MARK3: variants seen among roughly 807,000 people sequenced by gnomAD.
The protein encoded by MARK3 is microtubule affinity regulating kinase 3, also known as MAP/microtubule affinity-regulating kinase 3.
In MARK3, 46 loss-of-function variants were observed where a neutral mutation model predicts 90.1. The observed-to-expected ratio is 0.51, with a 90% confidence interval of 0.40 to 0.65. MARK3 has a LOEUF of 0.65. Among genes scored for constraint, MARK3 ranks in the 30% least tolerant of loss-of-function variants. The probability of loss-of-function intolerance (pLI) is 0.00; values close to 1 mark genes in which losing one functional copy is unlikely to be tolerated. For missense variants in MARK3, 818 were observed against 947.2 expected (o/e 0.86, Z 1.79); for synonymous variants, 321 against 332.6 (o/e 0.97, Z 0.38).
chr14:103,392,089 A>G (rs966116810), intron 1 of MARK3, among the ~76,000 whole-genome samples: 7 of 152,168 alleles, frequency 4.6e-5, no homozygotes, highest in African/African-American at 1.7e-4. Flanking sequence ...TGCATCATGT[A>G]CTTATTATTA....
chr14:103,455,039 G>A (rs371538896), intron 5 of MARK3, among the ~76,000 whole-genome samples: 2 of 152,118 alleles, frequency 1.3e-5, no homozygotes, highest in African/African-American at 4.8e-5. Context: ...TGAATTCCTG[G>A]TTTAAAAGTT....
rs566056925 is a variant in MARK3, at chr14:103,437,122, A to T, written c.297+8682A>T. Among the ~76,000 whole-genome samples, 12 of 151,816 alleles carry T rather than the reference A, an allele frequency of 7.9e-5. No homozygotes were observed. In the East Asian group the frequency reaches 2.3e-3, roughly 29 times the overall value. ...AAAAAAAAATTGAGAATAAAACTGTATATATGTTTGTTTATTTTTAGATTT... is the reference window on the plus strand; with the variant it reads ...AAAAAAAAATTGAGAATAAAACTGTTTATATGTTTGTTTATTTTTAGATTT... On this transcript the variant is annotated intron_variant, in intron 3 of 17. Transcript: ENST00000429436.
At chr14:103,451,823 A>T in intron 4 of MARK3, 95 bp from the exon 5 acceptor site, 1 of 774,214 alleles carries the variant, frequency 1.3e-6, no homozygotes, top group Non-Finnish European at 2.0e-6. Flanking sequence ...TTTAACAGGG[A>T]AAAGGTTGCT....
intron 12 of MARK3, among the ~76,000 whole-genome samples, chr14:103,468,909 G>A (rs535571896): frequency 6.6e-6 from 1 of 151,346 alleles, no homozygotes; most frequent in African/African-American, 2.4e-5. Flanking sequence ...GATTACAGAC[G>A]TGAGCCACCA....
intron 15 of MARK3, among the ~76,000 whole-genome samples, chr14:103,492,344 T>C (rs757753425): frequency 6.6e-6 from 1 of 152,086 alleles, no homozygotes; most frequent in African/African-American, 2.4e-5. Flanking sequence ...CAGGCAGACC[T>C]CGAGTTCTGG....
At chr14:103,429,805 A>T (rs2092525145) in intron 3 of MARK3, among the ~76,000 whole-genome samples, 1 of 152,196 alleles carries the variant, frequency 6.6e-6, no homozygotes, top group Admixed American at 6.5e-5. Flanking sequence ...ACATACAAGG[A>T]TGTTTAATGA....
chr14:103,412,509 T>C (rs931278036), intron 2 of MARK3: 2 of 514,854 alleles, frequency 3.9e-6, no homozygotes, highest in South Asian at 3.9e-5. Context: ...GGCACCTCAG[T>C]GTCCACTTGG....
chr14:103,483,416 C>T (rs1425284309), intron 14 of MARK3, among the ~76,000 whole-genome samples: 2 of 152,118 alleles, frequency 1.3e-5, no homozygotes, highest in African/African-American at 4.8e-5. Context: ...ACCAGAGACT[C>T]CACATATCTT....
chr14:103,451,175 C>T (rs1465712017), intron 4 of MARK3, among the ~76,000 whole-genome samples: 1 of 151,866 alleles, frequency 6.6e-6, no homozygotes, highest in Non-Finnish European at 1.5e-5. Flanking sequence ...AGAAACGATC[C>T]ACCCGCCTCA....
chr14:103,495,480 A>G, intron 15 of MARK3, among the ~76,000 whole-genome samples: 1 of 144,702 alleles, frequency 6.9e-6, no homozygotes, highest in South Asian at 2.1e-4. Flanking sequence ...CTCCATCTCA[A>G]AAAAAAAAAA....
intron 3 of MARK3, among the ~76,000 whole-genome samples, chr14:103,444,078 A>G (rs2092929515): frequency 8.3e-6 from 1 of 120,418 alleles, no homozygotes; most frequent in Non-Finnish European, 1.7e-5. Flanking sequence ...ATCGGTTGGT[A>G]AAATTGTCTT....
chr14:103,446,074 A>G (rs1031671651), intron 3 of MARK3, among the ~76,000 whole-genome samples: 3 of 152,224 alleles, frequency 2.0e-5, no homozygotes, highest in African/African-American at 7.2e-5. Context: ...GATAACAAAC[A>G]GGTGCACAAA....
At chr14:103,432,283 T>G (rs1328062608) in intron 3 of MARK3, among the ~76,000 whole-genome samples, 2 of 152,180 alleles carry the variant, frequency 1.3e-5, no homozygotes, top group Non-Finnish European at 2.9e-5. Context: ...GTTTTTAAAT[T>G]TTAATGAGAT....
chr14:103,476,526 A>G (rs78316803), intron 13 of MARK3, among the ~76,000 whole-genome samples: 43,335 of 152,046 alleles, frequency 0.29, 7,234 homozygotes, highest in Non-Finnish European at 0.36. Context: ...TACTAAATTA[A>G]ATTGAATCCA....
chr14:103,452,704 C>G (rs1211186141), intron 5 of MARK3, among the ~76,000 whole-genome samples: 1 of 151,764 alleles, frequency 6.6e-6, no homozygotes, highest in African/African-American at 2.4e-5. Context: ...ATCTCCTGAC[C>G]TCGTGATCCG....
chr14:103,412,848 G>C, intron 2 of MARK3: 1 of 340,936 alleles, frequency 2.9e-6, no homozygotes, highest in Admixed American at 4.1e-5. Flanking sequence ...ATATTTTAAT[G>C]ATGCCAAGTC....
At chr14:103,426,214 T>C (rs966688042) in intron 2 of MARK3, among the ~76,000 whole-genome samples, 2 of 152,100 alleles carry the variant, frequency 1.3e-5, no homozygotes, top group Non-Finnish European at 2.9e-5. Context: ...TTCATACAAA[T>C]ATATTATTTG....
chr14:103,447,559 G>T (rs1163699874), intron 3 of MARK3, among the ~76,000 whole-genome samples: 6 of 152,176 alleles, frequency 3.9e-5, no homozygotes, highest in Middle Eastern at 3.2e-3. Flanking sequence ...CAGGACCTTA[G>T]AAGATCTTTT....
intron 1 of MARK3, among the ~76,000 whole-genome samples, chr14:103,398,276 A>G (rs1357353488): frequency 6.6e-6 from 1 of 152,170 alleles, no homozygotes; most frequent in Non-Finnish European, 1.5e-5. Flanking sequence ...GTTCTTCTAG[A>G]TGGCTGCTTC....
Sources: allele counts gnomAD v4.1 joint callset (sites outside exome capture counted in the v4.1 genomes callset), GRCh38; gene constraint gnomAD v4.1.1; transcripts MANE v1.5; gene names NCBI Gene and HGNC (gene_info 2026-07-23, HGNC 2026-07-21).